The following ATP10B variants were observed in gnomAD, a reference collection of about 807,000 sequenced individuals.
The protein encoded by ATP10B is phospholipid-transporting ATPase VB.
ATP10B carries 122 observed loss-of-function variants against 141.2 expected under a neutral mutation model. The observed-to-expected ratio is 0.86, with a 90% CI of 0.75 to 1.00. The LOEUF (loss-of-function observed/expected upper bound fraction) is 1.00. Ranked by LOEUF, ATP10B falls within the 50% of genes least tolerant of loss-of-function variation. ATP10B has a pLI of 0.00. For missense variants in ATP10B, 1,876 were observed against 1,825.3 expected (o/e 1.03, Z -0.51); for synonymous variants, 685 against 692.0 (o/e 0.99, Z 0.16).
rs78235436 is a variant in ATP10B, at chr5:160,606,044, G to C, written c.3160+721C>G. The stretch of plus-strand genomic sequence containing the variant: ...CAAGGCCCATGGAGAATGGTAAACA[G>C]TTTCATTTGTTGGAACATGGAAAGG... On this transcript the variant is annotated intron_variant, in intron 19 of 25. Coordinates refer to ENST00000327245, the MANE Select transcript of ATP10B (RefSeq NM_025153.3). 8.6e-3 allele frequency among the ~76,000 whole-genome samples: 1,310 copies of C among 152,306 alleles called. 8 individuals are homozygous for C. The highest frequency in any genetic ancestry group is 0.014 in the Non-Finnish European group (942 of 68,016).
At chr5:160,795,059 G>A (rs1020257331) in intron 1 of ATP10B, among the ~76,000 whole-genome samples, 3 of 152,230 alleles carry the variant, frequency 2.0e-5, no homozygotes, top group African/African-American at 7.2e-5. Flanking sequence ...AAAGATAAAT[G>A]CTTCTCACTG....
the ATP10B span, among the ~76,000 whole-genome samples, chr5:160,928,789 C>A: frequency 1.2e-3 from 177 of 152,272 alleles, 1 homozygote; most frequent in African/African-American, 4.0e-3. Flanking sequence ...TGGAAAGGGG[C>A]CTTGAAATAG....
At chr5:160,862,029 T>G in the ATP10B span, among the ~76,000 whole-genome samples, 1 of 151,942 alleles carries the variant, frequency 6.6e-6, no homozygotes, top group Non-Finnish European at 1.5e-5. Flanking sequence ...CTGTGTTGTT[T>G]TGGTTGAAGT....
the ATP10B span, among the ~76,000 whole-genome samples, chr5:160,894,162 C>T: frequency 6.6e-6 from 1 of 152,050 alleles, no homozygotes; most frequent in Non-Finnish European, 1.5e-5. Context: ...CACAACTCCT[C>T]ACCAGCAAGG....
chr5:160,632,410 C>A (rs761967040), intron 12 of ATP10B, 43 bp from the exon 13 acceptor site: 3 of 1,583,232 alleles, frequency 1.9e-6, no homozygotes, highest in East Asian at 4.5e-5. Context: ...TGTACCTCGG[C>A]TGGACCATGT....
At position 160,732,177 on chromosome 5, in the gene ATP10B, G is replaced by A. The variant is rs548682725; in HGVS notation, c.-330-15143C>T. ...AGATTAAAAATATCAGCGAGATGGGGAAAAATGAAAAAGAACCAGATTAAC... is the reference window on the plus strand; with the variant it reads ...AGATTAAAAATATCAGCGAGATGGGAAAAAATGAAAAAGAACCAGATTAAC... On this transcript the variant is annotated intron_variant, in intron 2 of 25. Transcript: ENST00000327245. Among the ~76,000 whole-genome samples, 38 of 152,176 alleles carry A rather than the reference G, an allele frequency of 2.5e-4. 1 individual carries two copies. The East Asian group carries it at 7.3e-3, about 29-fold the overall frequency.
intron 6 of ATP10B, among the ~76,000 whole-genome samples, chr5:160,673,207 A>G (rs1273813674): frequency 6.6e-6 from 1 of 152,212 alleles, no homozygotes; most frequent in Admixed American, 6.5e-5. Context: ...AAAGCACATA[A>G]CAGGTTTCCA....
intron 2 of ATP10B, among the ~76,000 whole-genome samples, chr5:160,763,045 G>T (rs1311695512): frequency 6.7e-6 from 1 of 148,172 alleles, no homozygotes; most frequent in African/African-American, 2.4e-5. Flanking sequence ...ACCTAATACT[G>T]GAGCACCCAA....
At chr5:160,904,343 A>G in the ATP10B span, among the ~76,000 whole-genome samples, 2 of 152,152 alleles carry the variant, frequency 1.3e-5, no homozygotes, top group African/African-American at 4.8e-5. Flanking sequence ...AGATATCGAT[A>G]GTCTTTGCAT....
intron 1 of ATP10B, among the ~76,000 whole-genome samples, chr5:160,848,868 A>G (rs1408412574): frequency 6.6e-6 from 1 of 152,190 alleles, no homozygotes; most frequent in Non-Finnish European, 1.5e-5. Context: ...CCTACCTAAG[A>G]TCATTTTTGG....
chr5:160,771,583 G>T (rs7732818), intron 2 of ATP10B, among the ~76,000 whole-genome samples: 1 of 152,110 alleles, frequency 6.6e-6, no homozygotes, highest in Admixed American at 6.5e-5. Context: ...CATAGGTATA[G>T]TGAGATGCTT....
intron 2 of ATP10B, among the ~76,000 whole-genome samples, chr5:160,741,021 G>C (rs1397114406): frequency 6.6e-6 from 1 of 152,176 alleles, no homozygotes; most frequent in African/African-American, 2.4e-5. Context: ...GAGCTATTCA[G>C]TATACAAGAA....
chr5:160,783,443 T>TCA (rs574098821), intron 2 of ATP10B, among the ~76,000 whole-genome samples: 14 of 104,188 alleles, frequency 1.3e-4, no homozygotes, highest in African/African-American at 4.7e-4. Context: ...GATATATCCA[T>TCA]CACATATATA....
chr5:160,676,334 TG>T (rs557714084), intron 6 of ATP10B, among the ~76,000 whole-genome samples: 19 of 152,312 alleles, frequency 1.2e-4, no homozygotes, highest in African/African-American at 4.3e-4. Flanking sequence ...TTCTTCAGCC[TG>T]GGGGTATTCA....
intron 3 of ATP10B, among the ~76,000 whole-genome samples, chr5:160,704,148 C>T (rs1479120237): frequency 6.6e-6 from 1 of 152,102 alleles, no homozygotes; most frequent in Non-Finnish European, 1.5e-5. Context: ...GTCTTAAACT[C>T]CTGGGCGATC....
the ATP10B span, among the ~76,000 whole-genome samples, chr5:160,929,006 T>C: frequency 2.0e-5 from 3 of 152,286 alleles, no homozygotes; most frequent in South Asian, 6.2e-4. Flanking sequence ...GCAAAGAGCT[T>C]CCCAAATAGA....
At chr5:160,823,726 T>G (rs994556000) in intron 1 of ATP10B, among the ~76,000 whole-genome samples, 5 of 151,874 alleles carry the variant, frequency 3.3e-5, no homozygotes, top group African/African-American at 4.8e-5. Context: ...CCCAGCTACT[T>G]GGGAGGCTGA....
At chr5:160,754,820 A>G (rs975451133) in intron 2 of ATP10B, among the ~76,000 whole-genome samples, 1 of 152,238 alleles carries the variant, frequency 6.6e-6, no homozygotes, top group Non-Finnish European at 1.5e-5. Flanking sequence ...ATAGACACAG[A>G]TGCCACAGCC....
intron 16 of ATP10B, 70 bp from the exon 17 acceptor site, chr5:160,616,034 C>A: frequency 6.5e-7 from 1 of 1,535,958 alleles, no homozygotes; most frequent in Non-Finnish European, 8.9e-7. Flanking sequence ...TCTCTTCCCA[C>A]CTGCTGGGTC....
Sources: allele counts gnomAD v4.1 joint callset (sites outside exome capture counted in the v4.1 genomes callset), GRCh38; gene constraint gnomAD v4.1.1; transcripts MANE v1.5; gene names NCBI Gene and HGNC (gene_info 2026-07-23, HGNC 2026-07-21).